Variants in ERBIN observed in about 807,000 individuals in gnomAD.
ERBIN encodes erbb2 interacting protein, also known as densin-180-like protein.
ERBIN carries 60 observed loss-of-function variants against 158.4 expected under a neutral mutation model. The observed-to-expected ratio is 0.38, with a 90% CI of 0.31 to 0.47. The LOEUF (loss-of-function observed/expected upper bound fraction) is 0.47, where lower values mean the gene tolerates loss of function less well. Among genes scored for constraint, ERBIN ranks in the 20% least tolerant of loss-of-function variants. ERBIN has a pLI of 0.99. For missense variants in ERBIN, 1,610 were observed against 1,648.0 expected (o/e 0.98, Z 0.40); for synonymous variants, 594 against 557.2 (o/e 1.07, Z -0.93).
intron 1 of ERBIN, among the ~76,000 whole-genome samples, chr5:65,958,492 GC>G (rs1415032847): frequency 6.6e-6 from 1 of 151,752 alleles, no homozygotes. Context: ...GGGGCGGTGC[GC>G]GCCTGCAATC....
chr5:65,983,376 C>G (rs1157781167), intron 1 of ERBIN, among the ~76,000 whole-genome samples: 2 of 152,104 alleles, frequency 1.3e-5, no homozygotes, highest in Non-Finnish European at 2.9e-5. Flanking sequence ...TGCTCTTACA[C>G]AGCGTTTATA....
intron 1 of ERBIN, among the ~76,000 whole-genome samples, chr5:65,958,618 A>C (rs918971586): frequency 1.6e-4 from 17 of 105,988 alleles, no homozygotes; most frequent in African/African-American, 6.2e-4. Context: ...GTGGAAGGAG[A>C]GGGAGACCGT....
At chr5:66,048,643 TC>T in intron 18 of ERBIN, 23 bp from the exon 19 acceptor site, 1 of 1,402,894 alleles carries the variant, frequency 7.1e-7, no homozygotes, top group Non-Finnish European at 9.9e-7. Context: ...TTAATTTTTA[TC>T]CCCCTCACCC....
intron 14 of ERBIN, among the ~76,000 whole-genome samples, chr5:66,034,697 T>G (rs1423814093): frequency 6.8e-6 from 1 of 146,936 alleles, no homozygotes; most frequent in Non-Finnish European, 1.5e-5. Context: ...AGTTGAAGTA[T>G]TATTAGTATC....
In ERBIN at chr5:66,018,571, AT is replaced by A. The variant is rs1163049345; in HGVS notation, c.534-2749del. Among the ~76,000 whole-genome samples, 7 of 44,870 alleles carry A rather than the reference AT, an allele frequency of 1.6e-4. 2 individuals are homozygous for A. Among genetic ancestry groups the A allele is most frequent in the East Asian group, 4.4e-4 (1 of 2,250 alleles). The allele number at this position is 44,870 out of a possible 152,430, so 29.4% of individuals were successfully genotyped here. On this transcript the variant is annotated intron_variant, in intron 7 of 25. Transcript: ENST00000284037. ...TTATATATTATATAATATATATTATATTATATAATATATATTATATAATATA... is the reference window on the plus strand; with the variant it reads ...TTATATATTATATAATATATATTATATATATAATATATATTATATAATATA...
intron 21 of ERBIN, among the ~76,000 whole-genome samples, chr5:66,060,646 A>G (rs1760176312): frequency 6.6e-6 from 1 of 152,136 alleles, no homozygotes; most frequent in African/African-American, 2.4e-5. Flanking sequence ...TGTCAATTTT[A>G]GATCTTTCCT....
chr5:66,052,989 T>G (rs1014906945), intron 20 of ERBIN, among the ~76,000 whole-genome samples: 1 of 152,186 alleles, frequency 6.6e-6, no homozygotes, highest in African/African-American at 2.4e-5. Context: ...TGTAAAAATG[T>G]CCTTTGCTCT....
intron 15 of ERBIN, among the ~76,000 whole-genome samples, chr5:66,041,557 T>A (rs1303055664): frequency 6.6e-6 from 1 of 151,986 alleles, no homozygotes; most frequent in African/African-American, 2.4e-5. Context: ...TTCAAAGATG[T>A]GAGATTTATA....
intron 14 of ERBIN, among the ~76,000 whole-genome samples, chr5:66,029,707 C>T (rs6866333): frequency 0.04 from 6,131 of 152,108 alleles, 422 homozygotes; most frequent in African/African-American, 0.14. Flanking sequence ...TGGGTTCAAG[C>T]GATTCTCTTG....
At chr5:66,076,660 A>T (rs947582110) in intron 24 of ERBIN, 1 of 600,812 alleles carries the variant, frequency 1.7e-6, no homozygotes, top group Non-Finnish European at 2.9e-6. Context: ...TCACACACCT[A>T]TAAAAGTAAT....
At chr5:65,950,206 C>T (rs1047294236) in intron 1 of ERBIN, among the ~76,000 whole-genome samples, 108 of 152,168 alleles carry the variant, frequency 7.1e-4, no homozygotes, top group African/African-American at 2.5e-3. Flanking sequence ...GGGATTTCAC[C>T]GTGTTAGCCA....
chr5:65,931,688 G>C (rs753944505), intron 1 of ERBIN, among the ~76,000 whole-genome samples: 3 of 152,092 alleles, frequency 2.0e-5, no homozygotes, highest in Non-Finnish European at 4.4e-5. Flanking sequence ...ATAGAAAACA[G>C]CTCGATTCTC....
At chr5:65,998,894 C>CAAA (rs34966696) in intron 4 of ERBIN, among the ~76,000 whole-genome samples, 5 of 69,900 alleles carry the variant, frequency 7.2e-5, no homozygotes, top group Non-Finnish European at 1.2e-4. Context: ...GACCCTGTCT[C>CAAA]AAAAAAAAAA....
chr5:65,996,394 G>C (rs1318939586), intron 4 of ERBIN, among the ~76,000 whole-genome samples: 1 of 152,016 alleles, frequency 6.6e-6, no homozygotes, highest in East Asian at 1.9e-4. Flanking sequence ...ATTTATTGAA[G>C]AGACTGTCCT....
intron 25 of ERBIN, 61 bp from the exon 26 acceptor site, chr5:66,078,362 G>T: frequency 2.9e-6 from 3 of 1,045,622 alleles, no homozygotes; most frequent in Non-Finnish European, 2.8e-6. Context: ...TGAACTACTT[G>T]GCAGAAATGC....
rs1561465080 is a variant in ERBIN, at chr5:66,077,802, A to AGT, written c.4132-621_4132-620insGT. Among the ~76,000 whole-genome samples the AGT allele has an allele frequency of 5.4e-4, 79 of 146,682 alleles. 1 individual carries two copies. Among genetic ancestry groups the AGT allele is most frequent in the African/African-American group, 2.1e-3 (76 of 36,848 alleles). On this transcript the variant is annotated intron_variant, in intron 25 of 25. Transcript: ENST00000284037. ...CACACACACACACACACATACACAC[A>AGT]CACACACAGTCACACTCACTCATAC...
At chr5:66,054,987 G>T in intron 21 of ERBIN, 36 bp downstream of exon 21, 2 of 1,502,746 alleles carry the variant, frequency 1.3e-6, no homozygotes, top group South Asian at 1.4e-5. Context: ...TTTTCTTTAT[G>T]AACTTAATTA....
chr5:65,987,928 T>C (rs565337096), intron 1 of ERBIN, among the ~76,000 whole-genome samples: 114 of 152,228 alleles, frequency 7.5e-4, no homozygotes, highest in African/African-American at 2.7e-3. Context: ...GAAAAATTAC[T>C]AAAATATAAT....
chr5:65,940,107 C>T (rs1234968471), intron 1 of ERBIN, among the ~76,000 whole-genome samples: 2 of 150,148 alleles, frequency 1.3e-5, no homozygotes, highest in Non-Finnish European at 3.0e-5. Context: ...GTGAGGAGCG[C>T]CTCTTCCCGG....
Sources: gnomAD v4.1 joint callset for allele counts (sites outside exome capture counted in the v4.1 genomes callset) on GRCh38, gnomAD v4.1.1 for gene constraint, MANE v1.5 for transcripts, NCBI Gene and HGNC (gene_info 2026-07-23, HGNC 2026-07-21) for gene names.